The following PLCB1 variants were observed in gnomAD, a reference collection of about 807,000 sequenced individuals.
PLCB1 encodes phospholipase C beta 1.
Under a neutral mutation model 161.8 loss-of-function variants are expected in PLCB1, and 46 were observed. The observed-to-expected ratio is 0.28, with a 90% confidence interval of 0.22 to 0.36. The LOEUF is 0.36. Ranked by LOEUF, PLCB1 falls within the 10% of genes least tolerant of loss-of-function variation. The pLI is 1.00. For missense variants in PLCB1, 1,016 were observed against 1,472.5 expected, an observed-to-expected ratio of 0.69 and a Z score of 5.07; for synonymous variants, 517 against 503.7, an observed-to-expected ratio of 1.03 and a Z score of -0.35.
At chr20:8,278,352 A>ATG (rs1228695506) in intron 2 of PLCB1, among the ~76,000 whole-genome samples, 1 of 97,008 alleles carries the variant, frequency 1.0e-5, no homozygotes, top group Admixed American at 1.2e-4. Flanking sequence ...TATTTATATT[A>ATG]TGTATATATA....
At chr20:8,630,077 TCTTTC>T (rs1290696305) in intron 4 of PLCB1, among the ~76,000 whole-genome samples, 1 of 141,324 alleles carries the variant, frequency 7.1e-6, no homozygotes, top group Non-Finnish European at 1.5e-5. Context: ...TCTCTCTCTC[TCTTTC>T]TTGTTTTTTT....
intron 3 of PLCB1, among the ~76,000 whole-genome samples, chr20:8,451,157 A>G (rs1981059394): frequency 6.6e-6 from 1 of 152,164 alleles, no homozygotes; most frequent in South Asian, 2.1e-4. Flanking sequence ...TTGATTCATC[A>G]CTTCCATATT....
At chr20:8,786,074 A>G (rs1363250446) in intron 27 of PLCB1, among the ~76,000 whole-genome samples, 1 of 152,046 alleles carries the variant, frequency 6.6e-6, no homozygotes, top group Non-Finnish European at 1.5e-5. Flanking sequence ...AGGTCCTGGA[A>G]TCTGTATTTT....
intron 3 of PLCB1, among the ~76,000 whole-genome samples, chr20:8,538,148 G>A (rs1164595078): frequency 6.6e-6 from 1 of 152,108 alleles, no homozygotes; most frequent in African/African-American, 2.4e-5. Context: ...TGTACATTCA[G>A]TTAATCTTGC....
At chr20:8,761,976 A>AGGT (rs1555788724) in intron 25 of PLCB1, among the ~76,000 whole-genome samples, 14 of 146,500 alleles carry the variant, frequency 9.6e-5, no homozygotes, top group Middle Eastern at 3.5e-3. Flanking sequence ...GGGGAGGCCA[A>AGGT]GGGGGGGGCG....
intron 12 of PLCB1, among the ~76,000 whole-genome samples, chr20:8,713,746 C>T (rs1979147615): frequency 6.6e-6 from 1 of 152,122 alleles, no homozygotes; most frequent in Non-Finnish European, 1.5e-5. Flanking sequence ...AATGCATGTT[C>T]CGGGGCTTTG....
rs74843897 is a variant in PLCB1, at chr20:8,285,501, A to G, written c.178-85881A>G. 3.1e-3 allele frequency among the ~76,000 whole-genome samples: 473 copies of G among 152,172 alleles called. 2 individuals carry two copies. The highest frequency in any genetic ancestry group is 0.011 in the African/African-American group (454 of 41,510). Reference sequence around the variant, plus strand: ...TTTAAGAACCCTATCTCATCTCTTAACCTGGAAGACTGGATATTACAGTCA... The same window carrying G: ...TTTAAGAACCCTATCTCATCTCTTAGCCTGGAAGACTGGATATTACAGTCA... On this transcript the variant is annotated intron_variant, in intron 2 of 31. Transcript: ENST00000338037.
At chr20:8,407,028 T>G (rs1428667440) in intron 3 of PLCB1, among the ~76,000 whole-genome samples, 5 of 152,198 alleles carry the variant, frequency 3.3e-5, no homozygotes, top group Non-Finnish European at 7.4e-5. Flanking sequence ...CAGTGTAACT[T>G]CTGAGGCTAC....
At chr20:8,824,933 G>T (rs1467575146) in intron 31 of PLCB1, among the ~76,000 whole-genome samples, 2 of 152,128 alleles carry the variant, frequency 1.3e-5, no homozygotes, top group African/African-American at 4.8e-5. Context: ...TCTGGATATT[G>T]AGTTCATGGG....
chr20:8,773,087 T>C (rs978232880), intron 26 of PLCB1, among the ~76,000 whole-genome samples: 1 of 152,188 alleles, frequency 6.6e-6, no homozygotes, highest in African/African-American at 2.4e-5. Flanking sequence ...TTGAGAAAAT[T>C]CCGCATCCCT....
chr20:8,480,997 G>T (rs6039172), intron 3 of PLCB1, among the ~76,000 whole-genome samples: 2 of 151,848 alleles, frequency 1.3e-5, no homozygotes, highest in East Asian at 1.9e-4. Flanking sequence ...CCACGTACTG[G>T]GGAGGCTGGG....
At chr20:8,136,777 C>T (rs1046926946) in intron 1 of PLCB1, among the ~76,000 whole-genome samples, 6 of 151,922 alleles carry the variant, frequency 3.9e-5, no homozygotes, top group Non-Finnish European at 8.8e-5. Flanking sequence ...TGATTTTATA[C>T]TTTATAATTT....
At chr20:8,303,169 A>G (rs1209162358) in intron 2 of PLCB1, among the ~76,000 whole-genome samples, 1 of 152,210 alleles carries the variant, frequency 6.6e-6, no homozygotes, top group African/African-American at 2.4e-5. Flanking sequence ...AGCTTCTCAG[A>G]ACATAAGAAG....
Position 8,793,828 on chromosome 20 carries a change from C to T in PLCB1, c.3423+3567C>T, listed in dbSNP as rs568680586. On this transcript the variant is annotated intron_variant, in intron 31 of 31. Coordinates refer to ENST00000338037, the MANE Select transcript of PLCB1 (RefSeq NM_015192.4). The stretch of plus-strand genomic sequence containing the variant: ...AAAATTTATTAGGTGGGAATTTCCT[C>T]TTCCTAATAAGCCTGGGAGCACTAT... Among the ~76,000 whole-genome samples the T allele has an allele frequency of 7.9e-5, 12 of 152,292 alleles. No individual in the cohort carries two copies. The South Asian group carries it at 2.5e-3, about 32-fold the overall frequency.
chr20:8,866,019 T>C (rs1296439766), intron 31 of PLCB1, among the ~76,000 whole-genome samples: 1 of 152,216 alleles, frequency 6.6e-6, no homozygotes, highest in African/African-American at 2.4e-5. Flanking sequence ...GTATTCCAAG[T>C]CATCTCTGTA....
intron 3 of PLCB1, among the ~76,000 whole-genome samples, chr20:8,605,344 G>C (rs933489718): frequency 6.6e-6 from 1 of 151,724 alleles, no homozygotes; most frequent in African/African-American, 2.4e-5. Context: ...TCATTTGAAG[G>C]CCATATAGTA....
chr20:8,167,223 T>C (rs73895540), intron 2 of PLCB1, among the ~76,000 whole-genome samples: 14,572 of 152,258 alleles, frequency 0.096, 1,116 homozygotes, highest in African/African-American at 0.21. Flanking sequence ...TATTGACTGC[T>C]GTATTTTCAT....
rs186572832 is a variant in PLCB1, at chr20:8,266,809, C to T, written c.178-104573C>T. 3.8e-4 allele frequency among the ~76,000 whole-genome samples: 58 copies of T among 152,106 alleles called. 1 individual carries two copies. The East Asian group carries it at 6.4e-3, about 17-fold the overall frequency. Reference sequence around the variant, plus strand: ...ATCCCAGCATTTTGGGAGGCCAAGGCGGGTGGACCACCTGAGGTCAGGAGT... The same window carrying T: ...ATCCCAGCATTTTGGGAGGCCAAGGTGGGTGGACCACCTGAGGTCAGGAGT... On this transcript the variant is annotated intron_variant, in intron 2 of 31. Coordinates refer to ENST00000338037, the MANE Select transcript of PLCB1 (RefSeq NM_015192.4).
chr20:8,457,274 C>T (rs1266338778), intron 3 of PLCB1, among the ~76,000 whole-genome samples: 1 of 152,108 alleles, frequency 6.6e-6, no homozygotes, highest in Non-Finnish European at 1.5e-5. Flanking sequence ...TCATCTTGGC[C>T]TCCTGTCCCA....
Sources: allele counts gnomAD v4.1 joint callset (sites outside exome capture counted in the v4.1 genomes callset), GRCh38; gene constraint gnomAD v4.1.1; transcripts MANE v1.5; gene names NCBI Gene and HGNC (gene_info 2026-07-23, HGNC 2026-07-21).